Variants in BRINP3 observed in about 807,000 individuals in gnomAD.
The protein encoded by BRINP3 is BMP/retinoic acid-inducible neural-specific protein 3.
A neutral mutation model predicts 71.0 loss-of-function variants in BRINP3; 19 were observed. The ratio of observed to expected loss-of-function variants is 0.27; its 90% CI spans 0.19 to 0.39. BRINP3 has a LOEUF of 0.39. BRINP3 is among the 10% of genes least tolerant of loss of function. The probability of loss-of-function intolerance (pLI) is 1.00; values close to 1 mark genes in which losing one functional copy is unlikely to be tolerated. For missense variants in BRINP3, 959 were observed against 940.8 expected, an observed-to-expected ratio of 1.02 and a Z score of -0.25; for synonymous variants, 380 against 337.7, an observed-to-expected ratio of 1.13 and a Z score of -1.37.
intron 2 of BRINP3, among the ~76,000 whole-genome samples, chr1:190,369,714 T>C (rs1217747734): frequency 6.6e-6 from 1 of 152,102 alleles, no homozygotes; most frequent in East Asian, 1.9e-4. Context: ...TTTCTGTGAC[T>C]AGCTTGCTAG....
intron 2 of BRINP3, among the ~76,000 whole-genome samples, chr1:190,346,436 T>G (rs912750850): frequency 6.6e-6 from 1 of 152,096 alleles, no homozygotes; most frequent in Non-Finnish European, 1.5e-5. Context: ...AATGTATCCT[T>G]TTTATCTTTG....
At chr1:190,151,532 A>C (rs1232416040) in intron 7 of BRINP3, among the ~76,000 whole-genome samples, 1 of 152,230 alleles carries the variant, frequency 6.6e-6, no homozygotes, top group African/African-American at 2.4e-5. Flanking sequence ...TCTCACTTAA[A>C]GTAACTCTCT....
At chr1:190,372,788 T>C (rs1281380499) in intron 2 of BRINP3, among the ~76,000 whole-genome samples, 2 of 152,214 alleles carry the variant, frequency 1.3e-5, no homozygotes, top group Admixed American at 1.3e-4. Flanking sequence ...TTTGAGAGTA[T>C]ATATTTTCAT....
intron 7 of BRINP3, among the ~76,000 whole-genome samples, chr1:190,132,656 T>C (rs528334259): frequency 3.3e-5 from 5 of 152,214 alleles, no homozygotes; most frequent in South Asian, 2.1e-4. Flanking sequence ...TTACACAATA[T>C]TGTACTCCAT....
chr1:190,109,334 A>C (rs1224368497), intron 7 of BRINP3, among the ~76,000 whole-genome samples: 1 of 152,228 alleles, frequency 6.6e-6, no homozygotes, highest in East Asian at 1.9e-4. Context: ...CATAATTATC[A>C]AGCCAAGGAT....
rs868099828 is a variant in BRINP3, at chr1:190,203,782, T to A, written c.961+22300A>T. On this transcript the variant is annotated intron_variant, in intron 6 of 7. Transcript: ENST00000367462. ...ATATATATATATATATATATATATA[T>A]ATATATATATATATATATATATATA... Among the ~76,000 whole-genome samples, 10 of 98,658 alleles carry A rather than the reference T, an allele frequency of 1.0e-4. 2 individuals are homozygous for A. Among genetic ancestry groups the A allele is most frequent in the African/African-American group, 3.2e-4 (8 of 25,004 alleles). 64.7% of individuals were successfully genotyped at this position (98,658 alleles called of 152,430 possible).
chr1:190,320,734 C>G (rs1666182046), intron 2 of BRINP3, among the ~76,000 whole-genome samples: 1 of 151,732 alleles, frequency 6.6e-6, no homozygotes, highest in Non-Finnish European at 1.5e-5. Flanking sequence ...GCCAGTGAAC[C>G]TAATGTGCAT....
chr1:190,262,579 C>T (rs1661279566), intron 4 of BRINP3, among the ~76,000 whole-genome samples: 1 of 152,126 alleles, frequency 6.6e-6, no homozygotes, highest in East Asian at 1.9e-4. Flanking sequence ...CACCCATCTC[C>T]AGCTACTCTA....
chr1:190,217,267 G>A (rs1656493995), intron 6 of BRINP3, among the ~76,000 whole-genome samples: 1 of 151,848 alleles, frequency 6.6e-6, no homozygotes, highest in African/African-American at 2.4e-5. Flanking sequence ...GAGCCTGTGA[G>A]TGGTGATAAT....
intron 2 of BRINP3, among the ~76,000 whole-genome samples, chr1:190,383,250 G>A (rs997112443): frequency 6.6e-6 from 1 of 152,018 alleles, no homozygotes; most frequent in Non-Finnish European, 1.5e-5. Flanking sequence ...ACAGTATTAA[G>A]ATAGCAATAA....
chr1:190,213,817 G>A (rs1328863849), intron 6 of BRINP3, among the ~76,000 whole-genome samples: 1 of 152,012 alleles, frequency 6.6e-6, no homozygotes, highest in African/African-American at 2.4e-5. Flanking sequence ...ACATATTTAG[G>A]AAAGACTGTG....
At chr1:190,367,203 C>A (rs1193717632) in intron 2 of BRINP3, among the ~76,000 whole-genome samples, 1 of 152,230 alleles carries the variant, frequency 6.6e-6, no homozygotes, top group African/African-American at 2.4e-5. Flanking sequence ...CATTTCCACA[C>A]ATTCTCTGAA....
chr1:190,406,506 A>T (rs1405642041), intron 2 of BRINP3, among the ~76,000 whole-genome samples: 2 of 152,200 alleles, frequency 1.3e-5, no homozygotes, highest in African/African-American at 2.4e-5. Flanking sequence ...AATAGAGTAC[A>T]TTTTAGTTTG....
intron 6 of BRINP3, among the ~76,000 whole-genome samples, chr1:190,161,633 A>C (rs1650972843): frequency 6.6e-6 from 1 of 152,124 alleles, no homozygotes; most frequent in African/African-American, 2.4e-5. Flanking sequence ...CATTAGGAAT[A>C]AAAGTTGATG....
chr1:190,243,552 T>G (rs542443435), intron 4 of BRINP3, among the ~76,000 whole-genome samples: 1 of 152,282 alleles, frequency 6.6e-6, no homozygotes, highest in African/African-American at 2.4e-5. Flanking sequence ...GGATATGTTG[T>G]TACTCTAGCT....
chr1:190,173,477 C>T (rs191259155), intron 6 of BRINP3, among the ~76,000 whole-genome samples: 1 of 152,290 alleles, frequency 6.6e-6, no homozygotes, highest in Non-Finnish European at 1.5e-5. Flanking sequence ...ATACATTGGT[C>T]TTCATCTCCT....
rs191556986 is a variant in BRINP3 at position 190,426,652 on chromosome 1, T to C, written c.236+28003A>G. ...AAACAAATTTGGTTGTCTCTGGTGGTAGGGTTATCAAATTATTACAATTTA... is the reference window on the plus strand; with the variant it reads ...AAACAAATTTGGTTGTCTCTGGTGGCAGGGTTATCAAATTATTACAATTTA... On this transcript the variant is annotated intron_variant, in intron 2 of 7. Transcript: ENST00000367462. Among the ~76,000 whole-genome samples, 67 of 151,968 alleles carry C rather than the reference T, an allele frequency of 4.4e-4. 2 individuals are homozygous for C. The East Asian group carries it at 0.012, about 27-fold the overall frequency.
intron 7 of BRINP3, among the ~76,000 whole-genome samples, chr1:190,107,374 C>G (rs988865346): frequency 2.0e-5 from 3 of 152,016 alleles, no homozygotes; most frequent in African/African-American, 7.2e-5. Context: ...ACAATTTCAA[C>G]TACGTGGAAT....
At chr1:190,351,758 T>TA in intron 2 of BRINP3, among the ~76,000 whole-genome samples, 1 of 152,240 alleles carries the variant, frequency 6.6e-6, no homozygotes, top group Non-Finnish European at 1.5e-5. Flanking sequence ...TTTCTTATGA[T>TA]ACAGATATAA....
Sources: allele counts gnomAD v4.1 joint callset (sites outside exome capture counted in the v4.1 genomes callset), GRCh38; gene constraint gnomAD v4.1.1; transcripts MANE v1.5; gene names NCBI Gene and HGNC (gene_info 2026-07-23, HGNC 2026-07-21).